Variants in HEATR4 observed in about 807,000 individuals in gnomAD.
The protein encoded by HEATR4 is HEAT repeat-containing protein 4.
A neutral mutation model predicts 108.8 loss-of-function variants in HEATR4; 95 were observed. That is an observed-to-expected ratio of 0.87 (90% CI 0.74 to 1.04). HEATR4 has a LOEUF of 1.04. HEATR4 is among the 50% of genes least tolerant of loss of function. The pLI is 0.00. For synonymous variants in HEATR4, 443 were observed against 459.4 expected (o/e 0.96, Z 0.46); for missense variants, 1,152 against 1,253.8 (o/e 0.92, Z 1.23).
intron 17 of HEATR4, chr14:73,491,248 C>G (rs895828642): frequency 1.9e-6 from 3 of 1,583,118 alleles, no homozygotes; most frequent in Non-Finnish European, 2.6e-6. Context: ...ACCTGGGGGA[C>G]GCGCTACCCG....
chr14:73,511,910 A>G, intron 7 of HEATR4, 96 bp downstream of exon 7: 1 of 1,480,954 alleles, frequency 6.8e-7, no homozygotes, highest in Non-Finnish European at 9.3e-7. Context: ...ACATTTGTAA[A>G]ATGATCTCAG....
At chr14:73,549,270 G>A (rs7152763) in intron 1 of HEATR4, among the ~76,000 whole-genome samples, 1,603 of 113,598 alleles carry the variant, frequency 0.014, 230 homozygotes, top group African/African-American at 0.043. Flanking sequence ...GTGTGTGTGT[G>A]TCTGTGTGTG....
At chr14:73,589,928 AGTT>A in the HEATR4 span, among the ~76,000 whole-genome samples, 1 of 152,012 alleles carries the variant, frequency 6.6e-6, no homozygotes, top group Admixed American at 6.6e-5. Context: ...GCATGTCTGG[AGTT>A]GTTCGTTCCT....
At chr14:73,591,201 C>T in the HEATR4 span, among the ~76,000 whole-genome samples, 2 of 151,860 alleles carry the variant, frequency 1.3e-5, no homozygotes, top group African/African-American at 2.4e-5. Flanking sequence ...GACCTGTGAT[C>T]GAGCCACCGC....
chr14:73,573,297 G>C, the HEATR4 span: 2 of 1,578,224 alleles, frequency 1.3e-6, no homozygotes, highest in Non-Finnish European at 1.7e-6. Flanking sequence ...GGATTGCTGG[G>C]TCACATGTGT....
chr14:73,555,010 G>T (rs189412696), intron 1 of HEATR4, among the ~76,000 whole-genome samples: 1 of 113,278 alleles, frequency 8.8e-6, no homozygotes, highest in African/African-American at 2.8e-5. Context: ...CCCCATTTAT[G>T]ATTTTTTAAA....
intron 1 of HEATR4, among the ~76,000 whole-genome samples, chr14:73,540,722 G>A (rs1263881220): frequency 8.4e-6 from 1 of 118,762 alleles, no homozygotes; most frequent in East Asian, 5.1e-4. Context: ...TAAAAGTGTT[G>A]CCTGTAAGGT....
At position 73,533,116 on chromosome 14, in the gene HEATR4, C is replaced by A. The variant is rs183946974; in HGVS notation, c.-151-2872G>T. Among the ~76,000 whole-genome samples the A allele has an allele frequency of 4.7e-3, 538 of 114,742 alleles. 26 individuals carry two copies. The highest frequency in any genetic ancestry group is 0.014 in the African/African-American group (498 of 35,322). 75.3% of individuals were successfully genotyped at this position (114,742 alleles called of 152,430 possible). A position where few individuals can be genotyped will look rare whatever the true frequency, so the allele number is the denominator to read the frequency against. ...ACCCAGCCTCAGTGACAGAGGGAGA[C>A]CCTGTTTCTAATAAAATAAATCAAA... On this transcript the variant is annotated intron_variant, in intron 1 of 17. Transcript: ENST00000553558.
rs781443686 is a variant in HEATR4 at position 73,478,659 on chromosome 14, A to C, written c.3028T>G (p.Phe1010Val). ...GGAGAAGACATGATGGGAGAAAAAA[A>C]TGTTCTCTCTGAGAATTTACCCAGA... ...LYLGKFSERT[F>V]FSPIMSSPSG... Residue 1010 changes from phenylalanine (F) to valine (V), a missense_variant, in exon 18 of 18, where the codon TTT becomes GTT. Phe to Val is a conservative substitution (Grantham distance 50). Transcript: ENST00000553558. 17 of 1,613,834 alleles carry C rather than the reference A, an allele frequency of 1.1e-5. No homozygotes were observed. Among genetic ancestry groups the C allele is most frequent in the South Asian group, 6.6e-5 (6 of 91,056 alleles).
chr14:73,484,326 A>C (rs1039314847), intron 17 of HEATR4, among the ~76,000 whole-genome samples: 1 of 151,740 alleles, frequency 6.6e-6, no homozygotes, highest in African/African-American at 2.4e-5. Context: ...CAGATAGTAG[A>C]TATTTCAGGC....
chr14:73,570,898 T>A, the HEATR4 span, among the ~76,000 whole-genome samples: 3 of 87,198 alleles, frequency 3.4e-5, no homozygotes, highest in Non-Finnish European at 6.7e-5. Context: ...AGAGTGACTC[T>A]ATCTTAAAAA....
chr14:73,577,876 A>T, the HEATR4 span, among the ~76,000 whole-genome samples: 695 of 151,556 alleles, frequency 4.6e-3, 8 homozygotes, highest in South Asian at 0.018. Flanking sequence ...TTTGAGACAG[A>T]GTCTCACTCT....
At chr14:73,499,000 G>C in intron 13 of HEATR4, 71 bp downstream of exon 13, 2 of 1,307,670 alleles carry the variant, frequency 1.5e-6, no homozygotes, top group Admixed American at 3.4e-5. Flanking sequence ...GAGAGTTTCA[G>C]GGGATCATTT....
the HEATR4 span, among the ~76,000 whole-genome samples, chr14:73,579,335 G>A: frequency 7.0e-6 from 1 of 142,588 alleles, no homozygotes; most frequent in African/African-American, 2.6e-5. Context: ...CCAGCTCTTT[G>A]AGAGGCCAAG....
chr14:73,513,728 CAAAAAAAAAAAAAAAAA>C (rs747778891), intron 6 of HEATR4, among the ~76,000 whole-genome samples: 1 of 46,758 alleles, frequency 2.1e-5, no homozygotes, highest in East Asian at 9.0e-4. Context: ...ACTACGTCTC[CAAAAAAAAAAAAAAAAA>C]AAAAAAAAAA....
At chr14:73,617,831 T>C in the HEATR4 span, among the ~76,000 whole-genome samples, 5 of 152,092 alleles carry the variant, frequency 3.3e-5, no homozygotes, top group African/African-American at 1.2e-4. Context: ...CCTTATCTGA[T>C]AACAGAAATA....
intron 12 of HEATR4, 83 bp from the exon 13 acceptor site, chr14:73,499,223 G>T: frequency 1.7e-6 from 2 of 1,186,896 alleles, no homozygotes; most frequent in Non-Finnish European, 2.5e-6. Context: ...GTGCACCCCT[G>T]TAATCCCAGC....
In HEATR4 at chr14:73,532,961, AT is replaced by A. The variant is rs1888753663; in HGVS notation, c.-151-2718del. The stretch of plus-strand genomic sequence containing the variant: ...CAGAGCAAGACTCCATCTCAAAAAA[AT>A]AAATAAATAAATAAAAAGAAAAGAA... On this transcript the variant is annotated intron_variant, in intron 1 of 17. Transcript: ENST00000553558. Among the ~76,000 whole-genome samples the A allele has an allele frequency of 1.1e-4, 12 of 111,174 alleles. 1 individual carries two copies. The highest frequency in any genetic ancestry group is 8.7e-4 in the South Asian group (3 of 3,460). 72.9% of individuals were successfully genotyped at this position (111,174 alleles called of 152,430 possible).
At chr14:73,589,248 A>G in the HEATR4 span, among the ~76,000 whole-genome samples, 1 of 151,924 alleles carries the variant, frequency 6.6e-6, no homozygotes, top group Non-Finnish European at 1.5e-5. Flanking sequence ...CCTCCCCACA[A>G]TCCCTGGCAA....
Sources: gnomAD v4.1 joint callset for allele counts (sites outside exome capture counted in the v4.1 genomes callset) on GRCh38, gnomAD v4.1.1 for gene constraint, MANE v1.5 for transcripts, NCBI Gene and HGNC (gene_info 2026-07-23, HGNC 2026-07-21) for gene names.